Variants in RBFOX3 observed in about 807,000 individuals in gnomAD.
RBFOX3 encodes RNA binding fox-1 homolog 3.
A neutral mutation model predicts 48.7 loss-of-function variants in RBFOX3; 17 were observed. The observed-to-expected ratio is 0.35, with a 90% CI of 0.24 to 0.52. The LOEUF (loss-of-function observed/expected upper bound fraction) is 0.52. Among genes scored for constraint, RBFOX3 ranks in the 20% least tolerant of loss-of-function variants. The pLI, the probability that RBFOX3 is intolerant of heterozygous loss-of-function variation, is 0.94. For missense variants in RBFOX3, 382 were observed against 497.5 expected, an observed-to-expected ratio of 0.77 and a Z score of 2.21; for synonymous variants, 212 against 209.5, an observed-to-expected ratio of 1.01 and a Z score of -0.10.
intron 4 of RBFOX3, among the ~76,000 whole-genome samples, chr17:79,137,544 C>T (rs911550172): frequency 6.6e-6 from 1 of 152,224 alleles, no homozygotes; most frequent in Non-Finnish European, 1.5e-5. Context: ...TTCCCACCCC[C>T]CAGTCCACCT....
chr17:79,461,114 C>T (rs1025762474), intron 2 of RBFOX3, among the ~76,000 whole-genome samples: 18 of 152,212 alleles, frequency 1.2e-4, no homozygotes, highest in African/African-American at 3.9e-4. Flanking sequence ...TATCTGTCTC[C>T]TCCATGAAAC....
chr17:79,401,473 C>CA (rs2062796129), intron 2 of RBFOX3, among the ~76,000 whole-genome samples: 1 of 152,356 alleles, frequency 6.6e-6, no homozygotes, highest in Non-Finnish European at 1.5e-5. Flanking sequence ...AGAGAGTCTG[C>CA]AAAATGCAAA....
At chr17:79,643,178 A>C in the RBFOX3 span, among the ~76,000 whole-genome samples, 1 of 152,234 alleles carries the variant, frequency 6.6e-6, no homozygotes, top group African/African-American at 2.4e-5. Context: ...ATTAATGAAA[A>C]TAAATTAGAC....
chr17:79,116,502 C>A (rs928459502), intron 4 of RBFOX3, among the ~76,000 whole-genome samples: 1 of 152,228 alleles, frequency 6.6e-6, no homozygotes, highest in Non-Finnish European at 1.5e-5. Flanking sequence ...GTGATGAGAG[C>A]GAAACTTCAT....
intron 4 of RBFOX3, among the ~76,000 whole-genome samples, chr17:79,179,965 G>C (rs2051512134): frequency 6.6e-6 from 1 of 152,250 alleles, no homozygotes; most frequent in South Asian, 2.1e-4. Context: ...GAGGTGGGCT[G>C]AGTGGGCAGG....
chr17:79,336,101 T>A (rs1281864105), intron 2 of RBFOX3, among the ~76,000 whole-genome samples: 1 of 152,140 alleles, frequency 6.6e-6, no homozygotes, highest in Non-Finnish European at 1.5e-5. Context: ...AATCCCACTG[T>A]TCTGGCCGGG....
intron 1 of RBFOX3, among the ~76,000 whole-genome samples, chr17:79,491,008 C>T (rs998870645): frequency 6.8e-5 from 9 of 132,556 alleles, no homozygotes; most frequent in African/African-American, 2.6e-4. Flanking sequence ...GGGCAGGTGA[C>T]CAACCCTGGA....
At chr17:79,501,775 C>G (rs2082418047) in intron 1 of RBFOX3, among the ~76,000 whole-genome samples, 1 of 152,216 alleles carries the variant, frequency 6.6e-6, no homozygotes, top group Non-Finnish European at 1.5e-5. Context: ...TCAGTTTATA[C>G]AGTATTTAAC....
intron 2 of RBFOX3, among the ~76,000 whole-genome samples, chr17:79,329,477 C>T (rs1210825911): frequency 6.6e-6 from 1 of 152,154 alleles, no homozygotes; most frequent in East Asian, 1.9e-4. Context: ...GATGGTGTTA[C>T]GTGGCCACGC....
chr17:79,161,966 C>G (rs1473015617), intron 4 of RBFOX3, among the ~76,000 whole-genome samples: 2 of 152,154 alleles, frequency 1.3e-5, no homozygotes, highest in African/African-American at 2.4e-5. Context: ...CTATGAGGCC[C>G]CAGCGGGACT....
intron 2 of RBFOX3, among the ~76,000 whole-genome samples, chr17:79,354,661 C>G (rs1311235041): frequency 6.6e-6 from 1 of 152,260 alleles, no homozygotes; most frequent in African/African-American, 2.4e-5. Context: ...AAGCCAGGTT[C>G]CTGCTGCCTC....
chr17:79,580,900 G>C (rs2093036055), intron 1 of RBFOX3, among the ~76,000 whole-genome samples: 1 of 152,150 alleles, frequency 6.6e-6, no homozygotes, highest in Non-Finnish European at 1.5e-5. Context: ...CCAAATATTT[G>C]TGACCAAAGT....
rs60453390 is a variant in RBFOX3, at chr17:79,093,791, CCACACACA to C, written c.1077+652_1077+659del. On this transcript the variant is annotated intron_variant, in intron 14 of 14. Coordinates refer to ENST00000693108, the MANE Select transcript of RBFOX3 (RefSeq NM_001350451.2). ...CTGGGCTGCACGTGTCAACAGCTGG[CCACACACA>C]CACACACACACACACACACACACAC... Among the ~76,000 whole-genome samples, 1,370 of 143,920 alleles carry C rather than the reference CCACACACA, an allele frequency of 9.5e-3. 7 individuals carry two copies. The highest frequency in any genetic ancestry group is 0.015 in the Admixed American group (211 of 14,340). The allele number at this position is 143,920 out of a possible 152,430, so 94.4% of individuals were successfully genotyped here.
At chr17:79,624,278 G>T in the RBFOX3 span, among the ~76,000 whole-genome samples, 31 of 152,152 alleles carry the variant, frequency 2.0e-4, no homozygotes, top group African/African-American at 6.8e-4. Flanking sequence ...GTCAGCTCCC[G>T]GATCAGGGTC....
intron 1 of RBFOX3, among the ~76,000 whole-genome samples, chr17:79,500,112 G>C (rs2082183251): frequency 6.6e-6 from 1 of 152,196 alleles, no homozygotes; most frequent in African/African-American, 2.4e-5. Flanking sequence ...GGGGATGAAA[G>C]ATCCATAGAG....
chr17:79,347,534 T>A (rs1364033147), intron 2 of RBFOX3, among the ~76,000 whole-genome samples: 1 of 152,198 alleles, frequency 6.6e-6, no homozygotes, highest in Non-Finnish European at 1.5e-5. Context: ...GTGTTAGAAC[T>A]TTTCTATTTT....
intron 1 of RBFOX3, among the ~76,000 whole-genome samples, chr17:79,582,737 C>T (rs1380351080): frequency 1.4e-5 from 2 of 139,874 alleles, no homozygotes; most frequent in South Asian, 2.4e-4. Flanking sequence ...GAGCCATGAT[C>T]GCGCCACTGC....
chr17:79,186,770 C>T (rs1247793449), intron 4 of RBFOX3, among the ~76,000 whole-genome samples: 1 of 152,230 alleles, frequency 6.6e-6, no homozygotes, highest in African/African-American at 2.4e-5. Flanking sequence ...ATTATTTCTG[C>T]GCTCCTGGGC....
intron 4 of RBFOX3, among the ~76,000 whole-genome samples, chr17:79,146,185 T>C (rs1254652547): frequency 1.3e-5 from 2 of 152,120 alleles, no homozygotes; most frequent in African/African-American, 4.8e-5. Flanking sequence ...TGCGCCCCAG[T>C]TCCCACCAAG....
Sources: allele counts gnomAD v4.1 joint callset (sites outside exome capture counted in the v4.1 genomes callset), GRCh38; gene constraint gnomAD v4.1.1; transcripts MANE v1.5; gene names NCBI Gene and HGNC (gene_info 2026-07-23, HGNC 2026-07-21).